The following CLYBL variants were observed in gnomAD, a reference collection of about 807,000 sequenced individuals.
The protein encoded by CLYBL is citramalyl-CoA lyase, mitochondrial.
Under a neutral mutation model 38.9 loss-of-function variants are expected in CLYBL, and 31 were observed. That is an observed-to-expected ratio of 0.80 (90% CI 0.60 to 1.08). CLYBL has a LOEUF of 1.08. Ranked by LOEUF, CLYBL falls within the 50% of genes least tolerant of loss-of-function variation. The probability of loss-of-function intolerance (pLI) is 0.00; values close to 1 mark genes in which losing one functional copy is unlikely to be tolerated. For synonymous variants in CLYBL, 171 were observed against 158.6 expected, an observed-to-expected ratio of 1.08 and a Z score of -0.59; for missense variants, 434 against 411.6, an observed-to-expected ratio of 1.05 and a Z score of -0.47.
intron 7 of CLYBL, chr13:99,884,906 C>A: frequency 2.2e-6 from 1 of 461,112 alleles, no homozygotes. Context: ...CAGTCCCTTC[C>A]CTAAGGTCCC....
chr13:99,647,512 T>C (rs2047194863), intron 1 of CLYBL, among the ~76,000 whole-genome samples: 1 of 146,482 alleles, frequency 6.8e-6, no homozygotes. Context: ...AAAAACAAAA[T>C]GTGTGAAGGG....
At chr13:99,701,497 A>G (rs1258639758) in intron 1 of CLYBL, among the ~76,000 whole-genome samples, 1 of 151,800 alleles carries the variant, frequency 6.6e-6, no homozygotes, top group East Asian at 1.9e-4. Context: ...TATTTTTAAT[A>G]GAGACGGGGT....
chr13:99,798,792 A>G (rs1408663503), intron 2 of CLYBL, among the ~76,000 whole-genome samples: 1 of 152,258 alleles, frequency 6.6e-6, no homozygotes, highest in Non-Finnish European at 1.5e-5. Context: ...AAGTGTAGTT[A>G]GACATAAATT....
At chr13:99,815,889 ATAAT>A (rs925989070) in intron 2 of CLYBL, among the ~76,000 whole-genome samples, 7 of 152,136 alleles carry the variant, frequency 4.6e-5, no homozygotes, top group African/African-American at 1.7e-4. Flanking sequence ...AAAAATAATA[ATAAT>A]TAACTAAAAT....
chr13:99,659,546 G>C (rs1394750143), intron 1 of CLYBL, among the ~76,000 whole-genome samples: 5 of 152,046 alleles, frequency 3.3e-5, no homozygotes, highest in Non-Finnish European at 5.9e-5. Context: ...TTCATTTGTT[G>C]GTGGAGTCCT....
intron 1 of CLYBL, among the ~76,000 whole-genome samples, chr13:99,772,612 C>G (rs752115996): frequency 3.2e-4 from 48 of 152,212 alleles, no homozygotes; most frequent in Non-Finnish European, 6.3e-4. Context: ...GTGGGAGGAT[C>G]ACCTGAGCCT....
At chr13:99,612,062 A>G (rs1248476867) in intron 1 of CLYBL, among the ~76,000 whole-genome samples, 1 of 152,158 alleles carries the variant, frequency 6.6e-6, no homozygotes, top group East Asian at 1.9e-4. Flanking sequence ...AATTCTCTTG[A>G]GCCCATTTGC....
intron 1 of CLYBL, among the ~76,000 whole-genome samples, chr13:99,753,005 G>C (rs1012068432): frequency 1.1e-4 from 17 of 152,140 alleles, no homozygotes; most frequent in African/African-American, 4.1e-4. Context: ...CATCCCAGGA[G>C]GGGGCATGGG....
intron 9 of CLYBL, among the ~76,000 whole-genome samples, chr13:99,905,523 T>C (rs1217744585): frequency 2.0e-5 from 3 of 151,934 alleles, no homozygotes; most frequent in African/African-American, 4.8e-5. Context: ...AGCCCTTTCT[T>C]ATTCTGTCCA....
intron 1 of CLYBL, among the ~76,000 whole-genome samples, chr13:99,749,890 G>C (rs2048923352): frequency 6.6e-6 from 1 of 152,138 alleles, no homozygotes; most frequent in South Asian, 2.1e-4. Context: ...AATCTCTCAG[G>C]GTACTTGGGA....
downstream of CLYBL, among the ~76,000 whole-genome samples, chr13:99,898,478 G>A (rs1248451071): frequency 6.6e-6 from 1 of 152,164 alleles, no homozygotes; most frequent in East Asian, 1.9e-4. Context: ...CCCAAATGAG[G>A]ACAAGGGCAC....
At chr13:99,654,528 A>G (rs1259151898) in intron 1 of CLYBL, among the ~76,000 whole-genome samples, 3 of 152,174 alleles carry the variant, frequency 2.0e-5, no homozygotes, top group Non-Finnish European at 2.9e-5. Flanking sequence ...CCATTTCACC[A>G]TAGTTTCACT....
chr13:99,745,914 C>CTACA (rs1237545028), intron 1 of CLYBL, among the ~76,000 whole-genome samples: 1 of 151,056 alleles, frequency 6.6e-6, no homozygotes, highest in Non-Finnish European at 1.5e-5. Flanking sequence ...AAATTCTAAG[C>CTACA]TATGTAACAT....
chr13:99,635,514 T>G (rs2047006483), intron 1 of CLYBL, among the ~76,000 whole-genome samples: 2 of 152,136 alleles, frequency 1.3e-5, no homozygotes, highest in African/African-American at 2.4e-5. Context: ...CCTCCTGGCT[T>G]TGCGCAGCTT....
In CLYBL at chr13:99,869,407, C is replaced by T. The variant is rs976445199; in HGVS notation, c.803-1531C>T. On this transcript the variant is annotated intron_variant, in intron 6 of 8. Coordinates refer to ENST00000339105, the MANE Select transcript of CLYBL (RefSeq NM_206808.5). The surrounding 1 kb of genome is among the most constrained non-coding windows in gnomAD (Gnocchi z 4.3). ...ACTGACATCCTTTATTAACAATATC[C>T]CGACAACTATTAAATTACTTAAATA... 6.6e-6 allele frequency among the ~76,000 whole-genome samples: 1 copy of T among 151,988 alleles called. No individual in the cohort carries two copies. The highest frequency in any genetic ancestry group is 1.5e-5 in the Non-Finnish European group (1 of 67,980).
At chr13:99,831,045 A>C (rs754351959) in intron 2 of CLYBL, among the ~76,000 whole-genome samples, 3 of 152,166 alleles carry the variant, frequency 2.0e-5, no homozygotes, top group Non-Finnish European at 1.5e-5. Context: ...TCAGACACAG[A>C]GGAGAAGACA....
At chr13:99,814,409 C>A (rs751730459) in intron 2 of CLYBL, among the ~76,000 whole-genome samples, 1 of 152,206 alleles carries the variant, frequency 6.6e-6, no homozygotes, top group East Asian at 1.9e-4. Context: ...ATTGTTTGCC[C>A]CTTTGAACAT....
intron 1 of CLYBL, among the ~76,000 whole-genome samples, chr13:99,662,170 G>A (rs1246359101): frequency 6.6e-6 from 1 of 152,144 alleles, no homozygotes; most frequent in African/African-American, 2.4e-5. Flanking sequence ...CGTTTACTTT[G>A]TGATGCTTTT....
downstream of CLYBL, chr13:99,892,741 A>G (rs766515191): frequency 1.3e-5 from 2 of 152,182 alleles, no homozygotes; most frequent in Admixed American, 1.3e-4. Context: ...TTTTACTTTC[A>G]TTTTTCACCT....
Sources: gnomAD v4.1 joint callset for allele counts (sites outside exome capture counted in the v4.1 genomes callset) on GRCh38, gnomAD v4.1.1 for gene constraint, Gnocchi (gnomAD v3.1) non-coding constraint, MANE v1.5 for transcripts, NCBI Gene and HGNC (gene_info 2026-07-23, HGNC 2026-07-21) for gene names.